Variants in EDIL3 observed in about 807,000 individuals in gnomAD.
The protein encoded by EDIL3 is EGF-like repeat and discoidin I-like domain-containing protein 3.
Under a neutral mutation model 67.4 loss-of-function variants are expected in EDIL3, and 37 were observed. The ratio of observed to expected loss-of-function variants is 0.55; its 90% CI spans 0.42 to 0.72. The LOEUF (loss-of-function observed/expected upper bound fraction) is 0.72, where lower values mean the gene tolerates loss of function less well. Ranked by LOEUF, EDIL3 falls within the 30% of genes least tolerant of loss-of-function variation. The pLI, the probability that EDIL3 is intolerant of heterozygous loss-of-function variation, is 0.00. For missense variants in EDIL3, 527 were observed against 586.3 expected (o/e 0.90, Z 1.04); for synonymous variants, 195 against 196.3 (o/e 0.99, Z 0.05).
intron 3 of EDIL3, among the ~76,000 whole-genome samples, chr5:84,226,068 G>A (rs1744446769): frequency 6.6e-6 from 1 of 151,554 alleles, no homozygotes; most frequent in South Asian, 2.1e-4. Flanking sequence ...TATATTTGAA[G>A]AAGACACTGT....
At chr5:84,068,024 A>G (rs1220062693) in intron 6 of EDIL3, among the ~76,000 whole-genome samples, 1 of 152,216 alleles carries the variant, frequency 6.6e-6, no homozygotes, top group Admixed American at 6.5e-5. Flanking sequence ...AGGTTCAAAA[A>G]GACAATATCC....
intron 4 of EDIL3, among the ~76,000 whole-genome samples, chr5:84,146,757 A>G (rs1748295690): frequency 6.6e-6 from 1 of 152,124 alleles, no homozygotes; most frequent in Non-Finnish European, 1.5e-5. Flanking sequence ...CTCAGATGAA[A>G]GGAGTTACAT....
intron 5 of EDIL3, among the ~76,000 whole-genome samples, chr5:84,121,932 G>T (rs1747783351): frequency 6.6e-6 from 1 of 151,976 alleles, no homozygotes; most frequent in Non-Finnish European, 1.5e-5. Context: ...TCTGGGTCCT[G>T]ACCGATAAAT....
intron 1 of EDIL3, among the ~76,000 whole-genome samples, chr5:84,281,994 G>A (rs185593894): frequency 8.6e-4 from 129 of 149,884 alleles, no homozygotes; most frequent in Non-Finnish European, 1.7e-3. Flanking sequence ...AGCCTCTGAA[G>A]TAGCTGGGAT....
chr5:84,318,600 C>A (rs1014469049), intron 1 of EDIL3, among the ~76,000 whole-genome samples: 1 of 152,148 alleles, frequency 6.6e-6, no homozygotes, highest in Non-Finnish European at 1.5e-5. Context: ...AACTGGTTAG[C>A]CACATGCAGA....
At chr5:84,341,368 T>A (rs1580088846) in intron 1 of EDIL3, among the ~76,000 whole-genome samples, 1 of 152,060 alleles carries the variant, frequency 6.6e-6, no homozygotes, top group East Asian at 1.9e-4. Flanking sequence ...TGAACTACAT[T>A]CTAGTTGAAG....
At chr5:83,970,294 GTTCT>G (rs1015737176) in intron 9 of EDIL3, among the ~76,000 whole-genome samples, 1 of 118,692 alleles carries the variant, frequency 8.4e-6, no homozygotes, top group African/African-American at 4.0e-5. Flanking sequence ...TCTCTTTCAT[GTTCT>G]TTGTCTATTA....
chr5:84,107,926 A>G (rs947758119), intron 5 of EDIL3, among the ~76,000 whole-genome samples: 3 of 150,940 alleles, frequency 2.0e-5, no homozygotes, highest in African/African-American at 7.2e-5. Flanking sequence ...TATTTTGCCA[A>G]TTTAGATTTG....
intron 9 of EDIL3, among the ~76,000 whole-genome samples, chr5:84,018,908 A>G (rs1324572796): frequency 6.6e-6 from 1 of 152,150 alleles, no homozygotes; most frequent in Admixed American, 6.5e-5. Flanking sequence ...GGTGCTGGAG[A>G]GGATGTGGAG....
chr5:84,060,146 A>C (rs1408284136), intron 9 of EDIL3, among the ~76,000 whole-genome samples, 154 bp downstream of exon 9: 2 of 152,180 alleles, frequency 1.3e-5, no homozygotes, highest in African/African-American at 4.8e-5. Flanking sequence ...ACATGGTTTC[A>C]TAAGGAATTT....
At chr5:84,179,688 G>A (rs1748982347) in intron 4 of EDIL3, among the ~76,000 whole-genome samples, 2 of 152,078 alleles carry the variant, frequency 1.3e-5, no homozygotes, top group African/African-American at 4.8e-5. Flanking sequence ...CCTCCTTCAA[G>A]ACTCAGCTTG....
chr5:84,354,656 C>CAA lies in EDIL3; in HGVS notation c.67+29650_67+29651dup, dbSNP rs11394541. Among the ~76,000 whole-genome samples, 1,175 of 140,070 alleles carry CAA rather than the reference C, an allele frequency of 8.4e-3. 14 individuals carry two copies. Among genetic ancestry groups the CAA allele is most frequent in the African/African-American group, 0.026 (986 of 37,972 alleles). 91.9% of individuals were successfully genotyped at this position (140,070 alleles called of 152,430 possible). A position where few individuals can be genotyped will look rare whatever the true frequency, so the allele number is the denominator to read the frequency against. ...TGGGCAACAGAGTGAGACTCCATCT[C>CAA]AAAAAAAAAAAAAGCACTAAAAAAT... On this transcript the variant is annotated intron_variant, in intron 1 of 10. Transcript: ENST00000296591.
intron 1 of EDIL3, among the ~76,000 whole-genome samples, chr5:84,381,238 G>T (rs1294298918): frequency 2.0e-5 from 3 of 152,058 alleles, no homozygotes; most frequent in Non-Finnish European, 4.4e-5. Context: ...TTCAGAACCA[G>T]AGGAAAAAAT....
chr5:84,101,980 C>T (rs1747375265), intron 6 of EDIL3, among the ~76,000 whole-genome samples: 1 of 151,970 alleles, frequency 6.6e-6, no homozygotes, highest in African/African-American at 2.4e-5. Context: ...CATGATCAAG[C>T]AGGCTTTATC....
At chr5:84,023,879 C>T (rs1286359497) in intron 9 of EDIL3, among the ~76,000 whole-genome samples, 1 of 152,084 alleles carries the variant, frequency 6.6e-6, no homozygotes, top group Non-Finnish European at 1.5e-5. Flanking sequence ...TGCAAGATTA[C>T]AGTTCAAATG....
At chr5:83,988,040 G>C (rs1745086756) in intron 9 of EDIL3, among the ~76,000 whole-genome samples, 1 of 151,960 alleles carries the variant, frequency 6.6e-6, no homozygotes, top group African/African-American at 2.4e-5. Flanking sequence ...GACTACACAG[G>C]ATGTACTTGT....
At position 84,111,319 on chromosome 5, in the gene EDIL3, C is replaced by T. The variant is rs375769149; in HGVS notation, c.470-4489G>A. 1.8e-4 allele frequency among the ~76,000 whole-genome samples: 27 copies of T among 152,288 alleles called. No homozygotes were observed. The East Asian group carries it at 3.5e-3, about 20-fold the overall frequency. ...ATTCAGTCACAGAATTAAATACCTA[C>T]AGTTTATAGTGTGTCTGTCTCCTAA... On this transcript the variant is annotated intron_variant, in intron 5 of 10. Transcript: ENST00000296591.
At chr5:84,053,030 T>G (rs2112226936) in intron 9 of EDIL3, among the ~76,000 whole-genome samples, 1 of 152,284 alleles carries the variant, frequency 6.6e-6, no homozygotes, top group East Asian at 1.9e-4. Flanking sequence ...ACACCACACC[T>G]ACTCCAAAAT....
intron 3 of EDIL3, among the ~76,000 whole-genome samples, chr5:84,228,230 AC>A (rs1227210580): frequency 1.3e-5 from 2 of 152,114 alleles, no homozygotes; most frequent in Non-Finnish European, 2.9e-5. Flanking sequence ...CAGGAAGAGA[AC>A]TAAGAGACTA....
Sources: gnomAD v4.1 joint callset for allele counts (sites outside exome capture counted in the v4.1 genomes callset) on GRCh38, gnomAD v4.1.1 for gene constraint, MANE v1.5 for transcripts, NCBI Gene and HGNC (gene_info 2026-07-23, HGNC 2026-07-21) for gene names.